The following ANKS1B variants were observed in gnomAD, a reference collection of about 807,000 sequenced individuals.
The protein encoded by ANKS1B is ankyrin repeat and sterile alpha motif domain-containing protein 1B.
A neutral mutation model predicts 148.3 loss-of-function variants in ANKS1B; 36 were observed. The observed-to-expected ratio is 0.24, with a 90% CI of 0.19 to 0.32. The LOEUF (loss-of-function observed/expected upper bound fraction) is 0.32. Among genes scored for constraint, ANKS1B ranks in the 10% least tolerant of loss-of-function variants. The probability of loss-of-function intolerance (pLI) is 1.00; values close to 1 mark genes in which losing one functional copy is unlikely to be tolerated. For synonymous variants in ANKS1B, 542 were observed against 560.8 expected (o/e 0.97, Z 0.47); for missense variants, 1,157 against 1,542.6 (o/e 0.75, Z 4.19).
intron 14 of ANKS1B, among the ~76,000 whole-genome samples, chr12:99,166,634 T>G (rs757268476): frequency 6.6e-6 from 1 of 152,030 alleles, no homozygotes; most frequent in Non-Finnish European, 1.5e-5. Context: ...TGGAAAGATA[T>G]ACTATGTTAA....
intron 11 of ANKS1B, among the ~76,000 whole-genome samples, chr12:99,408,997 C>T (rs2094599309): frequency 6.6e-6 from 1 of 152,114 alleles, no homozygotes; most frequent in African/African-American, 2.4e-5. Flanking sequence ...CCTGCAGTCA[C>T]ACTGCTAGGT....
intron 1 of ANKS1B, among the ~76,000 whole-genome samples, chr12:99,896,560 C>T (rs2153752184): frequency 6.6e-6 from 1 of 151,224 alleles, no homozygotes; most frequent in South Asian, 2.1e-4. Context: ...TTTCTTTTTG[C>T]TCTTTAAATA....
At chr12:98,761,618 A>T (rs1034534068) in intron 25 of ANKS1B, among the ~76,000 whole-genome samples, 1 of 152,096 alleles carries the variant, frequency 6.6e-6, no homozygotes, top group African/African-American at 2.4e-5. Context: ...GTATATATAT[A>T]TTTTCAGACT....
At chr12:99,773,460 C>T (rs11110033) in intron 7 of ANKS1B, among the ~76,000 whole-genome samples, 3 of 151,926 alleles carry the variant, frequency 2.0e-5, no homozygotes, top group Non-Finnish European at 2.9e-5. Context: ...AAATTTGAAA[C>T]GGTGCTGAGA....
rs1203506569 is a variant in ANKS1B at position 98,896,391 on chromosome 12, A to G, written c.2779-64255T>C. 2.0e-5 allele frequency among the ~76,000 whole-genome samples: 3 copies of G among 152,326 alleles called. No homozygotes were observed. The East Asian group carries it at 5.8e-4, about 29-fold the overall frequency. Reference sequence around the variant, plus strand: ...AGGCATCTGTGCATTATCTCATTTAATTCTTACAACTCTATGAAGGTTTCA... The same window carrying G: ...AGGCATCTGTGCATTATCTCATTTAGTTCTTACAACTCTATGAAGGTTTCA... On this transcript the variant is annotated intron_variant, in intron 17 of 26. Coordinates refer to ENST00000683438, the MANE Select transcript of ANKS1B (RefSeq NM_001352186.2).
At chr12:99,060,700 C>CAT (rs71081895) in intron 16 of ANKS1B, among the ~76,000 whole-genome samples, 1,342 of 50,960 alleles carry the variant, frequency 0.026, 38 homozygotes, top group Admixed American at 0.16. Flanking sequence ...CACACACACA[C>CAT]ATATATATAG....
chr12:99,475,429 TA>T (rs1431507169), intron 10 of ANKS1B, among the ~76,000 whole-genome samples: 10 of 151,710 alleles, frequency 6.6e-5, no homozygotes, highest in Non-Finnish European at 1.0e-4. Flanking sequence ...AACAGAGTGA[TA>T]AAAACTATCA....
intron 1 of ANKS1B, among the ~76,000 whole-genome samples, chr12:99,876,990 T>G (rs2092130940): frequency 6.6e-6 from 1 of 152,134 alleles, no homozygotes; most frequent in Non-Finnish European, 1.5e-5. Flanking sequence ...TTGGTTTAGC[T>G]GCTGCTTCTG....
At chr12:99,012,136 C>T (rs2099939820) in intron 17 of ANKS1B, among the ~76,000 whole-genome samples, 1 of 152,188 alleles carries the variant, frequency 6.6e-6, no homozygotes, top group Non-Finnish European at 1.5e-5. Flanking sequence ...CTAAACAGTG[C>T]ATAAGCAACC....
chr12:98,878,642 G>A lies in ANKS1B; in HGVS notation c.2779-46506C>T, dbSNP rs553907119. Among the ~76,000 whole-genome samples the A allele has an allele frequency of 7.9e-5, 12 of 152,278 alleles. No homozygotes were observed. In the East Asian group the frequency reaches 2.3e-3, roughly 29 times the overall value. On this transcript the variant is annotated intron_variant, in intron 17 of 26. Coordinates refer to ENST00000683438, the MANE Select transcript of ANKS1B (RefSeq NM_001352186.2). ...GACAGGAGAGCAGGAAGAGAGCAGG[G>A]AAAGCTGAAGGTACACACACTTCTG...
At chr12:99,889,076 TATC>T (rs2092970119) in intron 1 of ANKS1B, among the ~76,000 whole-genome samples, 1 of 152,030 alleles carries the variant, frequency 6.6e-6, no homozygotes, top group African/African-American at 2.4e-5. Context: ...GTGCAAGAAT[TATC>T]ATGGTGAGAA....
intron 17 of ANKS1B, among the ~76,000 whole-genome samples, chr12:98,835,097 A>AATT (rs72558205): frequency 0.017 from 2,518 of 148,910 alleles, 61 homozygotes; most frequent in East Asian, 0.11. Flanking sequence ...ACATTTGCTT[A>AATT]ATTATTATTA....
intron 9 of ANKS1B, among the ~76,000 whole-genome samples, chr12:99,583,140 T>C (rs1028498683): frequency 6.6e-6 from 1 of 152,182 alleles, no homozygotes; most frequent in Non-Finnish European, 1.5e-5. Context: ...GACTATGTCA[T>C]TGGTTTTTTT....
intron 16 of ANKS1B, among the ~76,000 whole-genome samples, chr12:99,071,874 T>C (rs1251886927): frequency 6.6e-6 from 1 of 152,146 alleles, no homozygotes; most frequent in Non-Finnish European, 1.5e-5. Context: ...CTTGAACTCC[T>C]GACCTCGTGA....
chr12:99,816,922 T>A (rs2069258319), intron 2 of ANKS1B, among the ~76,000 whole-genome samples: 1 of 151,686 alleles, frequency 6.6e-6, no homozygotes, highest in Non-Finnish European at 1.5e-5. Context: ...TTGTATATAT[T>A]TTGGGGATGC....
At chr12:99,746,368 C>G (rs1274785647) in intron 8 of ANKS1B, among the ~76,000 whole-genome samples, 1 of 152,188 alleles carries the variant, frequency 6.6e-6, no homozygotes, top group East Asian at 1.9e-4. Flanking sequence ...TGGCTATCAA[C>G]CAATTCAAAT....
intron 17 of ANKS1B, among the ~76,000 whole-genome samples, chr12:99,029,281 T>G (rs2099950605): frequency 6.6e-6 from 1 of 152,130 alleles, no homozygotes; most frequent in African/African-American, 2.4e-5. Context: ...CCCAGCAAGG[T>G]ACAGATTTTA....
intron 17 of ANKS1B, among the ~76,000 whole-genome samples, chr12:98,953,124 G>A (rs773722239): frequency 5.3e-5 from 8 of 151,926 alleles, no homozygotes; most frequent in Non-Finnish European, 8.8e-5. Flanking sequence ...GAGTTCAAAC[G>A]ATTCTCCTGC....
At chr12:99,468,319 C>A (rs954720709) in intron 10 of ANKS1B, among the ~76,000 whole-genome samples, 1 of 152,112 alleles carries the variant, frequency 6.6e-6, no homozygotes, top group African/African-American at 2.4e-5. Flanking sequence ...AACATTAAAC[C>A]TAAAACCATA....
Sources: allele counts gnomAD v4.1 joint callset (sites outside exome capture counted in the v4.1 genomes callset), GRCh38; gene constraint gnomAD v4.1.1; transcripts MANE v1.5; gene names NCBI Gene and HGNC (gene_info 2026-07-23, HGNC 2026-07-21).